The following AEBP2 variants were observed in gnomAD, a reference collection of about 807,000 sequenced individuals.
The protein encoded by AEBP2 is AE binding protein 2.
In AEBP2, 10 loss-of-function variants were observed where a neutral mutation model predicts 50.8. The ratio of observed to expected loss-of-function variants is 0.20; its 90% confidence interval spans 0.12 to 0.33. AEBP2 has a LOEUF of 0.33. Among genes scored for constraint, AEBP2 ranks in the 10% least tolerant of loss-of-function variants. AEBP2 has a pLI of 1.00. For synonymous variants in AEBP2, 296 were observed against 261.3 expected, an observed-to-expected ratio of 1.13 and a Z score of -1.28; for missense variants, 570 against 688.0, an observed-to-expected ratio of 0.83 and a Z score of 1.92.
chr12:19,478,168 T>C (rs530262468), intron 3 of AEBP2, among the ~76,000 whole-genome samples: 38 of 152,350 alleles, frequency 2.5e-4, no homozygotes, highest in African/African-American at 9.1e-4. Context: ...GTTGTTCTTT[T>C]GGTTTCATTT....
At chr12:19,457,725 C>G (rs1948295824) in intron 1 of AEBP2, 1 of 890,472 alleles carries the variant, frequency 1.1e-6, no homozygotes, top group Non-Finnish European at 1.5e-6. Flanking sequence ...AAAAGCTAGT[C>G]AGAGAGATCT....
intron 1 of AEBP2, 158 bp downstream of exon 1, chr12:19,440,528 C>G: frequency 1.4e-6 from 2 of 1,381,478 alleles, no homozygotes; most frequent in South Asian, 1.7e-5. Flanking sequence ...CCGTCGCCGC[C>G]GCGCCCCTCT....
At chr12:19,457,592 G>A in intron 1 of AEBP2, 1 of 1,481,562 alleles carries the variant, frequency 6.7e-7, no homozygotes, top group Non-Finnish European at 9.0e-7. Context: ...TGGTGGACTT[G>A]TACGAATCTA....
chr12:19,410,783 C>A (rs569041301), intron 1 of AEBP2, among the ~76,000 whole-genome samples: 1 of 152,262 alleles, frequency 6.6e-6, no homozygotes, highest in African/African-American at 2.4e-5. Context: ...CCATGCGGAT[C>A]TCAGTATCTA....
intron 3 of AEBP2, among the ~76,000 whole-genome samples, chr12:19,485,068 C>G (rs1231498146): frequency 1.3e-5 from 2 of 152,150 alleles, no homozygotes; most frequent in East Asian, 3.8e-4. Flanking sequence ...GTAAAAGAAT[C>G]ATTTAAATCA....
At chr12:19,458,086 G>T (rs191808685) in intron 1 of AEBP2, among the ~76,000 whole-genome samples, 1 of 152,274 alleles carries the variant, frequency 6.6e-6, no homozygotes, top group East Asian at 1.9e-4. Context: ...ATAAGTTTAG[G>T]TGGATTGTCT....
At chr12:19,435,776 T>A (rs1172601159), upstream of AEBP2, among the ~76,000 whole-genome samples, 1 of 152,260 alleles carries the variant, frequency 6.6e-6, no homozygotes, top group African/African-American at 2.4e-5. Flanking sequence ...TTTGTCGAAA[T>A]CCTACATTTT....
intron 1 of AEBP2, among the ~76,000 whole-genome samples, chr12:19,428,292 T>C (rs2095749614): frequency 6.6e-6 from 1 of 152,166 alleles, no homozygotes. Context: ...ACAAAATGTC[T>C]GAGTTTTCAG....
At chr12:19,430,759 C>G (rs1372060247) in intron 1 of AEBP2, among the ~76,000 whole-genome samples, 1 of 152,106 alleles carries the variant, frequency 6.6e-6, no homozygotes, top group African/African-American at 2.4e-5. Flanking sequence ...GGAGTTCACT[C>G]ATGATTTGGC....
intron 1 of AEBP2, 64 bp downstream of exon 1, chr12:19,440,434 G>C: frequency 6.9e-7 from 1 of 1,441,588 alleles, no homozygotes; most frequent in Non-Finnish European, 9.1e-7. Flanking sequence ...CCTCAGAGGG[G>C]GACCAAGGCG....
upstream of AEBP2, among the ~76,000 whole-genome samples, chr12:19,436,600 G>C (rs1287407943): frequency 3.4e-5 from 5 of 146,226 alleles, no homozygotes; most frequent in East Asian, 2.0e-4. Context: ...TTTTTTTTGG[G>C]GGGGGGATAA....
In AEBP2 at chr12:19,499,754, G is replaced by A. The variant is rs140259323; in HGVS notation, c.1175-343G>A. Among the ~76,000 whole-genome samples the A allele has an allele frequency of 1.0e-3, 155 of 151,932 alleles. 1 individual carries two copies. Among genetic ancestry groups the A allele is most frequent in the African/African-American group, 3.6e-3 (151 of 41,464 alleles). The stretch of plus-strand genomic sequence containing the variant: ...GGTGAGTTTGAAATCCTGATATATA[G>A]ATGGTGTTCCTCAGATCGCTGATAA... On this transcript the variant is annotated intron_variant, in intron 4 of 7. Coordinates refer to ENST00000266508, the MANE Select transcript of AEBP2 (RefSeq NM_153207.5).
intron 5 of AEBP2, among the ~76,000 whole-genome samples, chr12:19,509,823 T>TC (rs1949207589): frequency 2.4e-5 from 1 of 42,036 alleles, no homozygotes; most frequent in African/African-American, 5.9e-5. Flanking sequence ...CTACTTTCTT[T>TC]TTTTTTTTTT....
chr12:19,457,942 A>C (rs1948300617), intron 1 of AEBP2, among the ~76,000 whole-genome samples: 1 of 152,296 alleles, frequency 6.6e-6, no homozygotes, highest in East Asian at 1.9e-4. Flanking sequence ...GTGTGAGTGT[A>C]TTGTCTGGCT....
chr12:19,429,613 A>G (rs1297793939), intron 1 of AEBP2, among the ~76,000 whole-genome samples: 4 of 152,144 alleles, frequency 2.6e-5, no homozygotes, highest in Non-Finnish European at 4.4e-5. Flanking sequence ...AAGTGTTCCT[A>G]TTTCTCCACA....
intron 3 of AEBP2, among the ~76,000 whole-genome samples, chr12:19,482,797 C>T (rs1331099992): frequency 1.3e-5 from 2 of 152,066 alleles, no homozygotes; most frequent in Admixed American, 6.6e-5. Context: ...GGTTTTCAGG[C>T]CAGTGGGGTT....
At chr12:19,498,318 C>CT (rs1192003114) in intron 4 of AEBP2, among the ~76,000 whole-genome samples, 1 of 152,080 alleles carries the variant, frequency 6.6e-6, no homozygotes, top group Non-Finnish European at 1.5e-5. Context: ...ATGTCAAGTA[C>CT]TTTTTTCTTT....
intron 2 of AEBP2, among the ~76,000 whole-genome samples, chr12:19,465,791 C>CTT (rs11284427): frequency 9.3e-5 from 10 of 107,674 alleles, no homozygotes; most frequent in Admixed American, 2.9e-4. Flanking sequence ...ATTGTTTTTT[C>CTT]TTTTTTTTTT....
intron 4 of AEBP2, among the ~76,000 whole-genome samples, chr12:19,499,095 A>G (rs935018594): frequency 6.6e-6 from 1 of 152,212 alleles, no homozygotes; most frequent in African/African-American, 2.4e-5. Flanking sequence ...TTTTATATGC[A>G]TTTGTTTTAT....
Sources: gnomAD v4.1 joint callset for allele counts (sites outside exome capture counted in the v4.1 genomes callset) on GRCh38, gnomAD v4.1.1 for gene constraint, MANE v1.5 for transcripts, NCBI Gene and HGNC (gene_info 2026-07-23, HGNC 2026-07-21) for gene names.